Variants in NLGN4Y observed in about 807,000 individuals in gnomAD.
NLGN4Y encodes neuroligin-4, Y-linked.
In NLGN4Y, 4 loss-of-function variants were observed where a neutral mutation model predicts 8.4. The ratio of observed to expected loss-of-function variants is 0.48; its 90% CI spans 0.23 to 1.09. NLGN4Y has a LOEUF of 1.09. Ranked by LOEUF, NLGN4Y falls within the 50% of genes least tolerant of loss-of-function variation. NLGN4Y has a pLI of 0.19. For synonymous variants in NLGN4Y, 35 were observed against 75.6 expected (o/e 0.46, Z 2.78); for missense variants, 90 against 192.3 (o/e 0.47, Z 3.15).
chrY:14,544,054 G>T (rs2080160441), intron 1 of NLGN4Y, among the ~76,000 whole-genome samples: 1 of 33,396 alleles, frequency 3.0e-5, no homozygotes, highest in Non-Finnish European at 7.4e-5. Context: ...ATAGCTCTGG[G>T]TCTCATTATT....
chrY:14,719,607 TC>T, intron 3 of NLGN4Y, 89 bp downstream of exon 3: 3 of 115,022 alleles, frequency 2.6e-5, no homozygotes, highest in Non-Finnish European at 4.7e-5. Flanking sequence ...CTGTTTTTCC[TC>T]CCCTTATTTA....
At chrY:14,666,422 G>A in intron 2 of NLGN4Y, among the ~76,000 whole-genome samples, 2 of 33,259 alleles carry the variant, frequency 6.0e-5, no homozygotes, top group Admixed American at 2.8e-4. Flanking sequence ...TTTCAGTGAA[G>A]CATTATTCAT....
intron 1 of NLGN4Y, among the ~76,000 whole-genome samples, chrY:14,620,780 A>G: frequency 6.0e-5 from 2 of 33,528 alleles, no homozygotes; most frequent in African/African-American, 2.3e-4. Flanking sequence ...CATACTGTCC[A>G]TTGCTGCACA....
At chrY:14,541,908 A>G (rs2080150533) in intron 1 of NLGN4Y, among the ~76,000 whole-genome samples, 3 of 33,719 alleles carry the variant, frequency 8.9e-5, no homozygotes, top group African/African-American at 3.5e-4. Flanking sequence ...AATGTGCAAA[A>G]TAACCAGCTA....
intron 6 of NLGN4Y, among the ~76,000 whole-genome samples, chrY:14,832,828 C>T (rs2043184691): frequency 3.0e-5 from 1 of 33,539 alleles, no homozygotes; most frequent in South Asian, 6.7e-4. Context: ...GGCAGCGGGG[C>T]GAAATTAAAA....
chrY:14,724,387 G>GT (rs758471447), intron 4 of NLGN4Y, among the ~76,000 whole-genome samples: 73 of 29,364 alleles, frequency 2.5e-3, no homozygotes, highest in Admixed American at 4.4e-3. Flanking sequence ...TCATGTATTA[G>GT]TTTTTTTTTT....
intron 2 of NLGN4Y, among the ~76,000 whole-genome samples, chrY:14,655,435 G>A: frequency 3.2e-5 from 1 of 31,608 alleles, no homozygotes; most frequent in African/African-American, 1.2e-4. Context: ...TTTGGAGGAT[G>A]TTTTTCCTCC....
At chrY:14,798,384 A>G (rs768119209) in intron 4 of NLGN4Y, among the ~76,000 whole-genome samples, 103 of 33,039 alleles carry the variant, frequency 3.1e-3, no homozygotes, top group Non-Finnish European at 5.1e-3. Flanking sequence ...TCTCTTACCT[A>G]TTATTGATAT....
intron 4 of NLGN4Y, chrY:14,733,464 C>A (rs1217262025): frequency 5.7e-6 from 2 of 351,517 alleles, no homozygotes; most frequent in Non-Finnish European, 8.0e-6. Flanking sequence ...ATGCAAGAGG[C>A]ACGTTTGTGT....
chrY:14,757,497 T>A, intron 4 of NLGN4Y, among the ~76,000 whole-genome samples: 1 of 33,492 alleles, frequency 3.0e-5, no homozygotes, highest in African/African-American at 1.2e-4. Flanking sequence ...TTGGTATCAC[T>A]GACTAATATC....
chrY:14,553,890 G>T, intron 1 of NLGN4Y, among the ~76,000 whole-genome samples: 1 of 31,452 alleles, frequency 3.2e-5, no homozygotes, highest in Admixed American at 3.1e-4. Flanking sequence ...TATGCAACTG[G>T]AGTGATCTTG....
At chrY:14,535,879 T>C in intron 1 of NLGN4Y, among the ~76,000 whole-genome samples, 1 of 33,799 alleles carries the variant, frequency 3.0e-5, no homozygotes, top group African/African-American at 1.2e-4. Context: ...AATGGTTATT[T>C]ACTATGATTC....
At chrY:14,639,226 A>G in intron 2 of NLGN4Y, 1 of 172,598 alleles carries the variant, frequency 5.8e-6, no homozygotes, top group African/African-American at 8.1e-5. Context: ...GTAGCCTATC[A>G]AGAAGCTCAG....
intron 4 of NLGN4Y, among the ~76,000 whole-genome samples, chrY:14,799,143 C>A: frequency 3.0e-5 from 1 of 33,719 alleles, no homozygotes; most frequent in Non-Finnish European, 7.4e-5. Flanking sequence ...TTACCGAAAT[C>A]CTACTACCTG....
At chrY:14,677,552 G>C (rs2080753303) in intron 2 of NLGN4Y, among the ~76,000 whole-genome samples, 1 of 32,394 alleles carries the variant, frequency 3.1e-5, no homozygotes, top group Non-Finnish European at 7.5e-5. Flanking sequence ...TATATAGGCT[G>C]TATCTTGATG....
Position 14,842,205 on chromosome Y carries a change from G to T in NLGN4Y, c.*943G>T. On this transcript the variant is annotated 3_prime_UTR_variant, in exon 7 of 7. Transcript: ENST00000684976. ...GGAGACCATTGTTTTAGAAAACTTTGATTTGTACATGTTAGTTTTCATGAA... is the reference window on the plus strand; with the variant it reads ...GGAGACCATTGTTTTAGAAAACTTTTATTTGTACATGTTAGTTTTCATGAA... 8.2e-6 allele frequency: 1 copy of T among 121,712 alleles called. No individual in the cohort carries two copies. The highest frequency in any genetic ancestry group is 1.8e-5 in the Non-Finnish European group (1 of 56,197). The allele number at this position is 121,712 out of a possible 400,897, so 30.4% of individuals were successfully genotyped here.
intron 1 of NLGN4Y, among the ~76,000 whole-genome samples, chrY:14,617,626 A>T: frequency 3.1e-5 from 1 of 31,902 alleles, no homozygotes; most frequent in Non-Finnish European, 7.6e-5. Context: ...TCCTTAGCAT[A>T]GCTCAAATGC....
chrY:14,789,662 T>C (rs2042979233), intron 4 of NLGN4Y, among the ~76,000 whole-genome samples: 1 of 34,127 alleles, frequency 2.9e-5, no homozygotes, highest in African/African-American at 1.1e-4. Context: ...TGAGCCACTA[T>C]GCCTGGCCTA....
At chrY:14,813,051 C>T (rs990734782) in intron 4 of NLGN4Y, among the ~76,000 whole-genome samples, 1 of 30,106 alleles carries the variant, frequency 3.3e-5, no homozygotes, top group Non-Finnish European at 7.9e-5. Flanking sequence ...CTGCCTTTTC[C>T]TCTCCTCCAG....
Sources: allele counts gnomAD v4.1 joint callset (sites outside exome capture counted in the v4.1 genomes callset), GRCh38; gene constraint gnomAD v4.1.1; transcripts MANE v1.5; gene names NCBI Gene and HGNC (gene_info 2026-07-23, HGNC 2026-07-21).